Variants in OPA1 observed in about 807,000 individuals in gnomAD.
The protein encoded by OPA1 is OPA1 mitochondrial dynamin like GTPase.
Under a neutral mutation model 152.9 loss-of-function variants are expected in OPA1, and 59 were observed. The observed-to-expected ratio is 0.39, with a 90% CI of 0.31 to 0.48. The LOEUF (loss-of-function observed/expected upper bound fraction) is 0.48, where lower values mean the gene tolerates loss of function less well. OPA1 is among the 20% of genes least tolerant of loss of function. The pLI, the probability that OPA1 is intolerant of heterozygous loss-of-function variation, is 0.96. For missense variants in OPA1, 1,008 were observed against 1,216.8 expected (o/e 0.83, Z 2.55); for synonymous variants, 400 against 389.9 (o/e 1.03, Z -0.31).
rs1733894867 is a variant in OPA1 at position 193,642,271 on chromosome 3, A to G, written c.1150-494A>G. 2.0e-5 allele frequency among the ~76,000 whole-genome samples: 3 copies of G among 152,190 alleles called. No individual in the cohort carries two copies. The South Asian group carries it at 6.2e-4, about 31-fold the overall frequency. On this transcript the variant is annotated intron_variant, in intron 11 of 30. Coordinates refer to ENST00000361510, the MANE Select transcript of OPA1 (RefSeq NM_130837.3). ...TATTATGTCTGTGTATATTTCTCCC[A>G]GCATGTGATGAGGTCTAAAACTGGG...
chr3:193,633,890 G>C (rs1732500975), intron 8 of OPA1, among the ~76,000 whole-genome samples: 1 of 152,076 alleles, frequency 6.6e-6, no homozygotes, highest in African/African-American at 2.4e-5. Flanking sequence ...ACTATTACTA[G>C]ATATAAATGA....
chr3:193,639,767 GA>G (rs1733483943), intron 11 of OPA1, among the ~76,000 whole-genome samples: 1 of 152,232 alleles, frequency 6.6e-6, no homozygotes, highest in Non-Finnish European at 1.5e-5. Context: ...CCAAGATGTA[GA>G]ACCAGGGAGT....
chr3:193,671,000 T>C (rs1717801082), intron 29 of OPA1, among the ~76,000 whole-genome samples: 2 of 152,084 alleles, frequency 1.3e-5, no homozygotes, highest in Non-Finnish European at 2.9e-5. Flanking sequence ...TGGGGACAAT[T>C]TGGGCCCCAA....
chr3:193,630,185 G>A (rs1394419604), intron 7 of OPA1, among the ~76,000 whole-genome samples: 6 of 152,054 alleles, frequency 3.9e-5, no homozygotes, highest in Non-Finnish European at 7.4e-5. Flanking sequence ...CAGTTTAGGC[G>A]ACTGTTTATA....
chr3:193,630,851 TTG>T (rs1311191214), intron 7 of OPA1, among the ~76,000 whole-genome samples: 1 of 152,148 alleles, frequency 6.6e-6, no homozygotes, highest in African/African-American at 2.4e-5. Flanking sequence ...TAAAATAAAA[TTG>T]TTTTTTAATA....
chr3:193,686,884 T>C (rs1383582547), intron 29 of OPA1, among the ~76,000 whole-genome samples: 3 of 152,198 alleles, frequency 2.0e-5, no homozygotes, highest in African/African-American at 4.8e-5. Context: ...TGTGGTTTGC[T>C]TAAAGTACAC....
intron 29 of OPA1, among the ~76,000 whole-genome samples, chr3:193,675,337 A>AC (rs770612974): frequency 0.024 from 2,994 of 123,148 alleles, 33 homozygotes; most frequent in East Asian, 0.033. Flanking sequence ...GAAAAAAAAA[A>AC]AAAAAAAAAA....
rs1553791129 is a variant in OPA1 at position 193,675,337 on chromosome 3, A to AAC, written c.2983+8058_2983+8059insCA. 6.3e-4 allele frequency among the ~76,000 whole-genome samples: 77 copies of AAC among 123,176 alleles called. 2 individuals are homozygous for AAC. The highest frequency in any genetic ancestry group is 5.3e-3 in the South Asian group (20 of 3,794). 80.8% of individuals were successfully genotyped at this position (123,176 alleles called of 152,430 possible). ...ATTTTTTTTTTTTAAGAAAAAAAAA[A>AAC]AAAAAAAAAAAAACACCCAATCAAG... On this transcript the variant is annotated intron_variant, in intron 29 of 30. Coordinates refer to ENST00000361510, the MANE Select transcript of OPA1 (RefSeq NM_130837.3).
chr3:193,671,302 C>G lies in OPA1; in HGVS notation c.2983+4022C>G, dbSNP rs61298610. Among the ~76,000 whole-genome samples, 633 of 152,274 alleles carry G rather than the reference C, an allele frequency of 4.2e-3. 2 individuals are homozygous for G. Among genetic ancestry groups the G allele is most frequent in the African/African-American group, 0.015 (610 of 41,542 alleles). On this transcript the variant is annotated intron_variant, in intron 29 of 30. Transcript: ENST00000361510. ...AAAATGCAAGAAGACTCCTGAAGTA[C>G]TTCTTACCAAAGATGTAGAACTTAA...
At chr3:193,684,922 G>C (rs1028692618) in intron 29 of OPA1, among the ~76,000 whole-genome samples, 1 of 152,158 alleles carries the variant, frequency 6.6e-6, no homozygotes, top group Non-Finnish European at 1.5e-5. Flanking sequence ...AAAATATGTA[G>C]AAAGTATTTG....
chr3:193,628,064 A>G (rs576567353), intron 7 of OPA1, among the ~76,000 whole-genome samples: 1 of 152,182 alleles, frequency 6.6e-6, no homozygotes, highest in East Asian at 1.9e-4. Flanking sequence ...CCCTGTAGTT[A>G]CTATAGAGAT....
chr3:193,653,103 G>GA (rs1194317570), intron 21 of OPA1, among the ~76,000 whole-genome samples: 2 of 152,168 alleles, frequency 1.3e-5, no homozygotes, highest in African/African-American at 4.8e-5. Context: ...AGGAGGCCCT[G>GA]ACAGGCTGCT....
At chr3:193,642,722 C>T (rs200687826) in intron 11 of OPA1, 43 bp from the exon 12 acceptor site, 2 of 1,387,964 alleles carry the variant, frequency 1.4e-6, no homozygotes, top group African/African-American at 2.8e-5. Context: ...ATTAATATTA[C>T]TTATAAATAC....
intron 1 of OPA1, among the ~76,000 whole-genome samples, chr3:193,595,587 A>G (rs1309526570): frequency 3.3e-5 from 5 of 152,134 alleles, no homozygotes; most frequent in African/African-American, 4.8e-5. Flanking sequence ...TGATTTTTTC[A>G]TCTTCATGAT....
At chr3:193,648,728 G>GAA in intron 20 of OPA1, 67 bp from the exon 21 acceptor site, 1 of 1,152,108 alleles carries the variant, frequency 8.7e-7, no homozygotes, top group Non-Finnish European at 1.3e-6. Context: ...GGTTATCTCT[G>GAA]AAAATCATGA....
At chr3:193,689,855 A>G (rs1721430000) in intron 29 of OPA1, among the ~76,000 whole-genome samples, 1 of 152,216 alleles carries the variant, frequency 6.6e-6, no homozygotes. Context: ...CCCGTTTGAG[A>G]TTCCCGTGTG....
intron 11 of OPA1, among the ~76,000 whole-genome samples, chr3:193,641,018 A>C (rs1008963204): frequency 3.3e-5 from 5 of 152,144 alleles, no homozygotes; most frequent in Non-Finnish European, 4.4e-5. Flanking sequence ...TTACATATCC[A>C]TTTTACTACC....
chr3:193,684,966 T>C (rs1347824358), intron 29 of OPA1, among the ~76,000 whole-genome samples: 1 of 152,108 alleles, frequency 6.6e-6, no homozygotes, highest in Non-Finnish European at 1.5e-5. Context: ...AAAAGGAGCC[T>C]AGTAGAAATG....
intron 22 of OPA1, among the ~76,000 whole-genome samples, chr3:193,655,546 T>C (rs1337387908): frequency 6.6e-6 from 1 of 152,216 alleles, no homozygotes; most frequent in Non-Finnish European, 1.5e-5. Flanking sequence ...ACCATGTATC[T>C]TGGCTTTATC....
Sources: gnomAD v4.1 joint callset for allele counts (sites outside exome capture counted in the v4.1 genomes callset) on GRCh38, gnomAD v4.1.1 for gene constraint, MANE v1.5 for transcripts, NCBI Gene and HGNC (gene_info 2026-07-23, HGNC 2026-07-21) for gene names.